MCOLN2: variants seen among roughly 807,000 people sequenced by gnomAD.
The protein encoded by MCOLN2 is mucolipin-2.
Under a neutral mutation model 67.5 loss-of-function variants are expected in MCOLN2, and 57 were observed. That is an observed-to-expected ratio of 0.84 (90% CI 0.68 to 1.05). MCOLN2 has a LOEUF of 1.05. Ranked by LOEUF, MCOLN2 falls within the 50% of genes least tolerant of loss-of-function variation. The pLI is 0.00. For synonymous variants in MCOLN2, 246 were observed against 233.3 expected, an observed-to-expected ratio of 1.05 and a Z score of -0.50; for missense variants, 620 against 678.8, an observed-to-expected ratio of 0.91 and a Z score of 0.96.
intron 1 of MCOLN2, among the ~76,000 whole-genome samples, chr1:84,973,519 A>C (rs1450639984): frequency 6.6e-6 from 1 of 152,164 alleles, no homozygotes; most frequent in African/African-American, 2.4e-5. Flanking sequence ...CCTGTGTTTC[A>C]CTTAGGTATG....
At chr1:84,986,341 GA>G (rs1342836699) in intron 1 of MCOLN2, among the ~76,000 whole-genome samples, 2 of 152,090 alleles carry the variant, frequency 1.3e-5, no homozygotes, top group African/African-American at 2.4e-5. Flanking sequence ...GGGAGTTCAA[GA>G]CCAGCCTGAC....
chr1:84,962,468 A>T (rs1649142929), intron 2 of MCOLN2, among the ~76,000 whole-genome samples: 1 of 152,220 alleles, frequency 6.6e-6, no homozygotes, highest in South Asian at 2.1e-4. Flanking sequence ...TCTTGAGCCC[A>T]GGAGTTCAAG....
chr1:84,954,311 A>G (rs1648667616), intron 4 of MCOLN2, among the ~76,000 whole-genome samples: 2 of 152,222 alleles, frequency 1.3e-5, no homozygotes, highest in Non-Finnish European at 2.9e-5. Context: ...GGAGTATTAC[A>G]CAACTCAATA....
intron 4 of MCOLN2, among the ~76,000 whole-genome samples, chr1:84,955,130 C>T (rs973295147): frequency 2.0e-5 from 3 of 152,154 alleles, no homozygotes; most frequent in African/African-American, 7.2e-5. Flanking sequence ...GCTTTTCTCA[C>T]TTTGCTCTGC....
intron 1 of MCOLN2, among the ~76,000 whole-genome samples, chr1:84,996,037 G>A (rs1252767529): frequency 6.6e-6 from 1 of 152,158 alleles, no homozygotes; most frequent in African/African-American, 2.4e-5. Flanking sequence ...GGCAACGGGA[G>A]TTTGACTCCT....
chr1:84,974,168 C>T (rs1649883282), intron 1 of MCOLN2, among the ~76,000 whole-genome samples: 2 of 152,176 alleles, frequency 1.3e-5, no homozygotes, highest in South Asian at 4.1e-4. Flanking sequence ...TTCACCACTG[C>T]AGGCTAAAGT....
intron 1 of MCOLN2, among the ~76,000 whole-genome samples, chr1:84,987,483 T>C (rs577429589): frequency 5.0e-5 from 1 of 19,920 alleles, no homozygotes; most frequent in South Asian, 4.6e-3. Context: ...TATATATACA[T>C]ATATACATAT....
At chr1:84,932,233 G>C (rs1049793686) in intron 11 of MCOLN2, among the ~76,000 whole-genome samples, 2 of 151,966 alleles carry the variant, frequency 1.3e-5, no homozygotes, top group African/African-American at 2.4e-5. Flanking sequence ...TTGTTTGTTT[G>C]AGACAGAGTC....
chr1:84,960,171 C>G (rs1372080518), intron 2 of MCOLN2, among the ~76,000 whole-genome samples: 1 of 152,122 alleles, frequency 6.6e-6, no homozygotes, highest in Non-Finnish European at 1.5e-5. Flanking sequence ...GAAAAATAAT[C>G]ACCATTTTCA....
chr1:84,966,538 A>G (rs1025650120), intron 1 of MCOLN2, among the ~76,000 whole-genome samples: 4 of 152,234 alleles, frequency 2.6e-5, no homozygotes, highest in African/African-American at 9.6e-5. Context: ...GTTATGGAAG[A>G]AGAGAATCTT....
chr1:84,926,481 C>T lies in MCOLN2; in HGVS notation c.*204G>A. On this transcript the variant is annotated 3_prime_UTR_variant, in exon 14 of 14. Coordinates refer to ENST00000370608, the MANE Select transcript of MCOLN2 (RefSeq NM_153259.4). The stretch of plus-strand genomic sequence containing the variant: ...TATTGCACTAATGCCCAGTAGTAGC[C>T]CATGGTCTATTCTTTATCATTCAAG... The T allele has an allele frequency of 2.4e-6, 1 of 414,302 alleles. No individual in the cohort carries two copies. The highest frequency in any genetic ancestry group is 4.3e-6 in the Non-Finnish European group (1 of 231,786). The allele number at this position is 414,302 out of a possible 1,614,324, so 25.7% of individuals were successfully genotyped here. A position where few individuals can be genotyped will look rare whatever the true frequency, so the allele number is the denominator to read the frequency against.
chr1:84,944,316 T>C (rs1647966993), intron 7 of MCOLN2, among the ~76,000 whole-genome samples: 2 of 152,080 alleles, frequency 1.3e-5, no homozygotes, highest in African/African-American at 4.8e-5. Flanking sequence ...GGGCAGATCA[T>C]GAGGTCAGGA....
At chr1:84,928,663 C>G (rs905104305) in intron 13 of MCOLN2, among the ~76,000 whole-genome samples, 1 of 152,134 alleles carries the variant, frequency 6.6e-6, no homozygotes, top group Non-Finnish European at 1.5e-5. Context: ...TTCACAGCAA[C>G]AATTTAATGC....
At chr1:84,978,300 TAAAC>T (rs899419432) in intron 1 of MCOLN2, among the ~76,000 whole-genome samples, 13 of 151,168 alleles carry the variant, frequency 8.6e-5, no homozygotes, top group Non-Finnish European at 1.9e-4. Context: ...AAACTTCAAA[TAAAC>T]AATCTAATGA....
intron 6 of MCOLN2, among the ~76,000 whole-genome samples, chr1:84,948,023 C>T (rs1309356900): frequency 6.6e-6 from 1 of 152,248 alleles, no homozygotes; most frequent in Non-Finnish European, 1.5e-5. Context: ...CACACTTGGG[C>T]CACACAGTTG....
chr1:84,973,359 T>C (rs1649789957), intron 1 of MCOLN2, among the ~76,000 whole-genome samples: 1 of 152,078 alleles, frequency 6.6e-6, no homozygotes, highest in African/African-American at 2.4e-5. Context: ...ATGCCTATAG[T>C]CCCAGCTACT....
chr1:84,931,276 TTTAAG>T, intron 12 of MCOLN2, 81 bp downstream of exon 12: 1 of 880,470 alleles, frequency 1.1e-6, no homozygotes. Flanking sequence ...ACTGTAATAT[TTTAAG>T]TTTTTAAAAT....
rs145089427 is a variant in MCOLN2, at chr1:84,952,447, G to T, written c.649C>A (p.Arg217=). The T allele has an allele frequency of 1.9e-6, 3 of 1,608,820 alleles. No homozygotes were observed. In the South Asian group the frequency reaches 3.3e-5, roughly 18 times the overall value. The change falls in exon 5 of 14, where the codon CGG becomes AGG. Residue 217 remains arginine, a splice_region_variant and synonymous_variant. Coordinates refer to ENST00000370608, the MANE Select transcript of MCOLN2 (RefSeq NM_153259.4). ...AATAACACTTTAAAATGTATTTACCGATAAAATTCCAGTCTGAAGAATGAT... is the reference window on the plus strand; with the variant it reads ...AATAACACTTTAAAATGTATTTACCTATAAAATTCCAGTCTGAAGAATGAT... The part of the protein sequence containing the change: ...NSSFFRLEFY[R]LLQVEISFHL...
chr1:84,934,181 T>C (rs1344838879), intron 11 of MCOLN2, among the ~76,000 whole-genome samples: 1 of 152,196 alleles, frequency 6.6e-6, no homozygotes, highest in Non-Finnish European at 1.5e-5. Context: ...GCACCTACCA[T>C]GGTCTATGTG....
Sources: gnomAD v4.1 joint callset for allele counts (sites outside exome capture counted in the v4.1 genomes callset) on GRCh38, gnomAD v4.1.1 for gene constraint, MANE v1.5 for transcripts, NCBI Gene and HGNC (gene_info 2026-07-23, HGNC 2026-07-21) for gene names.